RALGAPA1: variants seen among roughly 807,000 people sequenced by gnomAD.
RALGAPA1 encodes the protein Ral GTPase activating protein catalytic subunit alpha 1.
In RALGAPA1, 52 loss-of-function variants were observed where a neutral mutation model predicts 269.6. The observed-to-expected ratio is 0.19, with a 90% CI of 0.15 to 0.24. RALGAPA1 has a LOEUF of 0.24. Among genes scored for constraint, RALGAPA1 ranks in the 10% least tolerant of loss-of-function variants. The probability of loss-of-function intolerance (pLI) is 1.00; values close to 1 mark genes in which losing one functional copy is unlikely to be tolerated. For synonymous variants in RALGAPA1, 817 were observed against 1,008.3 expected (o/e 0.81, Z 3.60); for missense variants, 1,917 against 3,013.9 (o/e 0.64, Z 8.52).
intron 11 of RALGAPA1, among the ~76,000 whole-genome samples, chr14:35,741,125 A>G (rs1567132485): frequency 6.6e-6 from 1 of 151,906 alleles, no homozygotes; most frequent in Non-Finnish European, 1.5e-5. Flanking sequence ...CATTCCTTCC[A>G]TTGTTTGTTT....
intron 4 of RALGAPA1, chr14:35,766,836 A>G: frequency 2.1e-6 from 1 of 474,912 alleles, no homozygotes; most frequent in Admixed American, 2.5e-5. Flanking sequence ...ATCAAAGAAG[A>G]CCACAGAACA....
intron 3 of RALGAPA1, among the ~76,000 whole-genome samples, chr14:35,773,923 T>C (rs1175251133): frequency 6.6e-6 from 1 of 151,968 alleles, no homozygotes; most frequent in Non-Finnish European, 1.5e-5. Context: ...TTATTATTAT[T>C]ATTATTATTT....
chr14:35,781,778 A>G (rs141911273), intron 1 of RALGAPA1, among the ~76,000 whole-genome samples: 18 of 152,278 alleles, frequency 1.2e-4, no homozygotes, highest in African/African-American at 4.1e-4. Flanking sequence ...AAAACCCAAT[A>G]TAATTTCATC....
intron 33 of RALGAPA1, among the ~76,000 whole-genome samples, chr14:35,630,089 T>C (rs2061262585): frequency 6.6e-6 from 1 of 152,172 alleles, no homozygotes; most frequent in Non-Finnish European, 1.5e-5. Flanking sequence ...TCAGAACCAA[T>C]ACCACTGGGT....
chr14:35,549,276 A>G, intron 39 of RALGAPA1, 42 bp from the exon 40 acceptor site: 2 of 1,583,194 alleles, frequency 1.3e-6, no homozygotes, highest in Non-Finnish European at 1.7e-6. Context: ...TGCAGCTTAT[A>G]CTGGAAAAAA....
At chr14:35,671,356 T>C (rs1391901009) in intron 26 of RALGAPA1, 33 bp downstream of exon 26, 4 of 1,538,816 alleles carry the variant, frequency 2.6e-6, no homozygotes, top group Non-Finnish European at 3.5e-6. Flanking sequence ...TGGCTAAAGT[T>C]TGTTATATGA....
At chr14:35,645,631 T>C (rs2062379524) in intron 31 of RALGAPA1, among the ~76,000 whole-genome samples, 1 of 147,544 alleles carries the variant, frequency 6.8e-6, no homozygotes, top group East Asian at 2.0e-4. Flanking sequence ...CTCGGGAGGC[T>C]GGGCAGGAGA....
intron 6 of RALGAPA1, among the ~76,000 whole-genome samples, chr14:35,758,987 T>C (rs1183726607): frequency 1.3e-5 from 2 of 152,062 alleles, no homozygotes; most frequent in Non-Finnish European, 2.9e-5. Context: ...GTGAGTGGCA[T>C]GTGCCTGTAG....
intron 37 of RALGAPA1, among the ~76,000 whole-genome samples, chr14:35,588,484 T>C (rs982019371): frequency 1.3e-5 from 2 of 152,218 alleles, no homozygotes; most frequent in African/African-American, 4.8e-5. Context: ...AAAGTCATTT[T>C]AATAGAAAAT....
intron 37 of RALGAPA1, among the ~76,000 whole-genome samples, chr14:35,576,766 C>T (rs1343066544): frequency 1.3e-5 from 2 of 152,160 alleles, no homozygotes; most frequent in African/African-American, 4.8e-5. Context: ...GATGAAGTAA[C>T]TCGCCTAAGG....
intron 41 of RALGAPA1, among the ~76,000 whole-genome samples, chr14:35,546,939 C>A (rs1017368119): frequency 6.6e-6 from 1 of 152,026 alleles, no homozygotes; most frequent in Non-Finnish European, 1.5e-5. Flanking sequence ...GTAAATATTT[C>A]ATTTTTATTT....
At chr14:35,593,828 T>C (rs1465251644) in intron 37 of RALGAPA1, among the ~76,000 whole-genome samples, 1 of 152,052 alleles carries the variant, frequency 6.6e-6, no homozygotes, top group African/African-American at 2.4e-5. Flanking sequence ...CATTCCAGCC[T>C]GGGTGAAAGA....
chr14:35,545,076 G>C (rs1284229155), intron 41 of RALGAPA1, among the ~76,000 whole-genome samples: 2 of 152,044 alleles, frequency 1.3e-5, no homozygotes, highest in Non-Finnish European at 2.9e-5. Flanking sequence ...CAGATTTATA[G>C]CTTATGTTAC....
intron 36 of RALGAPA1, among the ~76,000 whole-genome samples, chr14:35,600,122 A>G (rs1409520350): frequency 6.7e-6 from 1 of 148,670 alleles, no homozygotes; most frequent in Admixed American, 6.7e-5. Context: ...GACTCAGATA[A>G]CAGAATGCTA....
chr14:35,620,714 A>G (rs2060564459), intron 35 of RALGAPA1, among the ~76,000 whole-genome samples: 1 of 152,212 alleles, frequency 6.6e-6, no homozygotes, highest in African/African-American at 2.4e-5. Context: ...CCTATACATC[A>G]TTAACAGACA....
At chr14:35,762,212 C>A (rs1350862694) in intron 5 of RALGAPA1, among the ~76,000 whole-genome samples, 1 of 151,920 alleles carries the variant, frequency 6.6e-6, no homozygotes, top group Non-Finnish European at 1.5e-5. Context: ...CCCCAGTCAA[C>A]CTAGAATGGT....
intron 16 of RALGAPA1, among the ~76,000 whole-genome samples, chr14:35,714,987 T>C (rs976228688): frequency 3.9e-5 from 6 of 152,218 alleles, no homozygotes; most frequent in Admixed American, 1.3e-4. Flanking sequence ...AGATTATGCA[T>C]TTTTTCTCTT....
chr14:35,586,634 AGTT>A (rs1279865768), intron 37 of RALGAPA1, among the ~76,000 whole-genome samples: 2 of 152,150 alleles, frequency 1.3e-5, no homozygotes, highest in Non-Finnish European at 2.9e-5. Flanking sequence ...ATCAATACCT[AGTT>A]TATTGAGAGT....
In RALGAPA1 at chr14:35,685,130, C is replaced by T. The variant is rs776578791; in HGVS notation, c.4093G>A (p.Gly1365Arg). The T allele has an allele frequency of 3.2e-6, 5 of 1,562,912 alleles. No homozygotes were observed. In the South Asian group the frequency reaches 4.7e-5, roughly 15 times the overall value. ...SGNASTMTRRGSSPGSLEIPK... is the reference protein window; with the variant it reads ...SGNASTMTRRRSSPGSLEIPK... ...ATTTCCAGGCTGCCTGGACTACTTC[C>T]TCTTCTTGTCATAGTCTAAACGTTC... The change falls in exon 20 of 42, where the codon GGA becomes AGA. Residue 1365 changes from glycine (G) to arginine (R), a missense_variant. Physicochemically the swap from Gly to Arg is moderately radical, Grantham distance 125. Around this residue, in one of 11 missense-constraint regions of RALGAPA1, gnomAD observed 615 missense variants for 790.0 expected, o/e 0.78. Transcript: ENST00000680220.
Sources: gnomAD v4.1 joint callset for allele counts (sites outside exome capture counted in the v4.1 genomes callset) on GRCh38, gnomAD v4.1.1 for gene constraint, gnomAD v4.1.1 regional missense constraint, MANE v1.5 for transcripts, NCBI Gene and HGNC (gene_info 2026-07-23, HGNC 2026-07-21) for gene names.